Variants in ZCWPW2 observed in about 807,000 individuals in gnomAD.
ZCWPW2 encodes the protein zinc finger CW-type PWWP domain protein 2.
A neutral mutation model predicts 46.6 loss-of-function variants in ZCWPW2; 45 were observed. That is an observed-to-expected ratio of 0.96 (90% confidence interval 0.76 to 1.24). The LOEUF (loss-of-function observed/expected upper bound fraction) is 1.24, where lower values mean the gene tolerates loss of function less well. Among genes scored for constraint, ZCWPW2 ranks in the 50% most tolerant of loss-of-function variants. The pLI, the probability that ZCWPW2 is intolerant of heterozygous loss-of-function variation, is 0.00. For missense variants in ZCWPW2, 429 were observed against 403.9 expected (o/e 1.06, Z -0.53); for synonymous variants, 152 against 137.1 (o/e 1.11, Z -0.76).
intron 1 of ZCWPW2, among the ~76,000 whole-genome samples, chr3:28,350,134 A>C (rs7649498): frequency 0.53 from 81,262 of 151,964 alleles, 22,228 homozygotes; most frequent in African/African-American, 0.58. Context: ...CAGTCCTTAA[A>C]TTTTTTTATT....
At chr3:28,522,846 C>T (rs551765394) in intron 9 of ZCWPW2, among the ~76,000 whole-genome samples, 63 of 152,164 alleles carry the variant, frequency 4.1e-4, no homozygotes, top group Non-Finnish European at 6.6e-4. Flanking sequence ...ATCCTATATA[C>T]GTATAATTAA....
intron 4 of ZCWPW2, among the ~76,000 whole-genome samples, chr3:28,452,115 TTACAA>T (rs1575151401): frequency 6.6e-6 from 1 of 152,158 alleles, no homozygotes; most frequent in African/African-American, 2.4e-5. Context: ...TGGTAGTAAT[TTACAA>T]TAGGAAAAGA....
At chr3:28,448,278 G>A (rs1016157717) in intron 4 of ZCWPW2, among the ~76,000 whole-genome samples, 2 of 151,966 alleles carry the variant, frequency 1.3e-5, no homozygotes, top group African/African-American at 4.8e-5. Flanking sequence ...AAGAAATTCA[G>A]TTGCATTTCC....
chr3:28,482,531 T>TGA (rs1699464126), intron 5 of ZCWPW2, among the ~76,000 whole-genome samples: 2 of 151,276 alleles, frequency 1.3e-5, no homozygotes, highest in African/African-American at 4.9e-5. Context: ...ACACAATTGC[T>TGA]GATCATATGG....
intron 2 of ZCWPW2, among the ~76,000 whole-genome samples, chr3:28,404,442 C>A (rs1696076610): frequency 6.6e-6 from 1 of 152,144 alleles, no homozygotes; most frequent in African/African-American, 2.4e-5. Flanking sequence ...TAAACTAGTA[C>A]AACCACTGTG....
At chr3:28,382,406 T>C (rs1695139564) in intron 1 of ZCWPW2, among the ~76,000 whole-genome samples, 1 of 152,144 alleles carries the variant, frequency 6.6e-6, no homozygotes, top group East Asian at 1.9e-4. Context: ...ACTAGACATA[T>C]TGGATTAAGG....
At chr3:28,445,125 T>A (rs142335416) in intron 4 of ZCWPW2, among the ~76,000 whole-genome samples, 1,785 of 151,580 alleles carry the variant, frequency 0.012, 38 homozygotes, top group African/African-American at 0.041. Context: ...TAGTCAGGGT[T>A]CTCTAGAGGG....
intron 4 of ZCWPW2, among the ~76,000 whole-genome samples, chr3:28,472,985 C>T (rs147027465): frequency 2.4e-4 from 37 of 152,138 alleles, no homozygotes; most frequent in African/African-American, 8.2e-4. Flanking sequence ...AAAAGGTGCT[C>T]AACATCATTG....
At chr3:28,520,865 A>G in intron 8 of ZCWPW2, 127 bp from the exon 9 acceptor site, 1 of 1,131,078 alleles carries the variant, frequency 8.8e-7, no homozygotes, top group South Asian at 1.5e-5. Context: ...TATGAAAATT[A>G]TATGAAACAT....
At chr3:28,509,707 A>G (rs924801812) in intron 6 of ZCWPW2, among the ~76,000 whole-genome samples, 1 of 152,214 alleles carries the variant, frequency 6.6e-6, no homozygotes, top group African/African-American at 2.4e-5. Flanking sequence ...TGAGTTCTTT[A>G]CATATTCTAG....
At chr3:28,358,875 TTC>T (rs1334430521) in intron 1 of ZCWPW2, among the ~76,000 whole-genome samples, 10 of 152,208 alleles carry the variant, frequency 6.6e-5, no homozygotes, top group African/African-American at 1.7e-4. Flanking sequence ...AATTCAAATT[TTC>T]TGTTTGAAAA....
chr3:28,363,512 C>G (rs988961694), intron 1 of ZCWPW2, among the ~76,000 whole-genome samples: 7 of 152,084 alleles, frequency 4.6e-5, no homozygotes, highest in African/African-American at 1.7e-4. Flanking sequence ...TGGTGTTTTG[C>G]TGACCCTAGA....
At chr3:28,403,798 A>G (rs1409471706) in intron 2 of ZCWPW2, among the ~76,000 whole-genome samples, 1 of 152,178 alleles carries the variant, frequency 6.6e-6, no homozygotes, top group Non-Finnish European at 1.5e-5. Flanking sequence ...TGAGGAAAGG[A>G]CACTCTTTTC....
Position 28,349,108 on chromosome 3 carries a change from G to A in ZCWPW2, c.-229G>A. The A allele has an allele frequency of 1.0e-6, 1 of 985,740 alleles. No homozygotes were observed. The highest frequency in any genetic ancestry group is 1.2e-6 in the Non-Finnish European group (1 of 830,162). 61.1% of individuals were successfully genotyped at this position (985,740 alleles called of 1,614,324 possible). On this transcript the variant is annotated 5_prime_UTR_variant, in exon 1 of 10. Transcript: ENST00000383768. ...TCGGTCGTGGGGGTGGGGAAGTGCAGGAGTGGCGCGCGGCGTACTACATGT... is the reference window on the plus strand; with the variant it reads ...TCGGTCGTGGGGGTGGGGAAGTGCAAGAGTGGCGCGCGGCGTACTACATGT...
rs75351496 is a variant in ZCWPW2, at chr3:28,460,213, G to T, written c.493-18601G>T. On this transcript the variant is annotated intron_variant, in intron 4 of 9. Transcript: ENST00000383768. ...GCCCATTGCATTCTTGGCATTATCT[G>T]TCAATCTGATGTAAGGGGTCACACT... 3.2e-4 allele frequency among the ~76,000 whole-genome samples: 46 copies of T among 145,758 alleles called. No homozygotes were observed. The East Asian group carries it at 8.4e-3, about 27-fold the overall frequency.
At position 28,524,539 on chromosome 3, in the gene ZCWPW2, A is replaced by C. The variant is rs1433233362; in HGVS notation, c.922A>C (p.Ser308Arg). The C allele has an allele frequency of 1.9e-6, 3 of 1,600,754 alleles. No individual in the cohort carries two copies. Among genetic ancestry groups the C allele is most frequent in the South Asian group, 2.3e-5 (2 of 87,238 alleles). ...INMGEKLSKC[S>R]PEAPAGSLFE... The stretch of plus-strand genomic sequence containing the variant: ...GGTTGTTTTGCAGTTATCTAAATGC[A>C]GCCCAGAAGCTCCTGCAGGCAGTCT... The change falls in exon 10 of 10, where the codon AGC becomes CGC. Residue 308 changes from serine (S) to arginine (R), a missense_variant. Transcript: ENST00000383768.
intron 1 of ZCWPW2, among the ~76,000 whole-genome samples, chr3:28,359,685 G>T (rs1704867871): frequency 6.6e-6 from 1 of 151,930 alleles, no homozygotes; most frequent in African/African-American, 2.4e-5. Context: ...TTTTAGGAGA[G>T]AAAAAACTAT....
At chr3:28,506,085 TTA>T (rs542060216) in intron 6 of ZCWPW2, among the ~76,000 whole-genome samples, 2 of 146,992 alleles carry the variant, frequency 1.4e-5, no homozygotes, top group South Asian at 4.2e-4. Flanking sequence ...AATATATATA[TTA>T]TATATATAAT....
chr3:28,486,911 G>A (rs767288847), intron 5 of ZCWPW2, among the ~76,000 whole-genome samples: 28 of 148,080 alleles, frequency 1.9e-4, no homozygotes, highest in Non-Finnish European at 3.8e-4. Context: ...TTTCTAGGTG[G>A]CTGTGTTATT....
Sources: allele counts gnomAD v4.1 joint callset (sites outside exome capture counted in the v4.1 genomes callset), GRCh38; gene constraint gnomAD v4.1.1; transcripts MANE v1.5; gene names NCBI Gene and HGNC (gene_info 2026-07-23, HGNC 2026-07-21).